The following PARD3B variants were observed in gnomAD, a reference collection of about 807,000 sequenced individuals.
PARD3B encodes the protein partitioning defective 3 homolog B.
PARD3B carries 103 observed loss-of-function variants against 130.2 expected under a neutral mutation model. That is an observed-to-expected ratio of 0.79 (90% CI 0.67 to 0.93). The LOEUF (loss-of-function observed/expected upper bound fraction) is 0.93, where lower values mean the gene tolerates loss of function less well. Ranked by LOEUF, PARD3B falls within the 40% of genes least tolerant of loss-of-function variation. The pLI is 0.00. For synonymous variants in PARD3B, 583 were observed against 553.2 expected, an observed-to-expected ratio of 1.05 and a Z score of -0.76; for missense variants, 1,609 against 1,499.2, an observed-to-expected ratio of 1.07 and a Z score of -1.21.
chr2:204,900,868 G>A (rs2046828102), intron 2 of PARD3B, among the ~76,000 whole-genome samples: 1 of 152,154 alleles, frequency 6.6e-6, no homozygotes, highest in South Asian at 2.1e-4. Context: ...GACTTTTGCA[G>A]ACTTTTACAG....
chr2:205,170,401 G>A (rs1229834929), intron 11 of PARD3B, among the ~76,000 whole-genome samples: 1 of 152,190 alleles, frequency 6.6e-6, no homozygotes, highest in Non-Finnish European at 1.5e-5. Flanking sequence ...GGAAGGCAGG[G>A]GACATTAAGC....
chr2:204,685,320 G>A (rs1574700923), intron 1 of PARD3B, among the ~76,000 whole-genome samples: 1 of 152,060 alleles, frequency 6.6e-6, no homozygotes, highest in Non-Finnish European at 1.5e-5. Context: ...ATTATAGCTT[G>A]GGGATTATGG....
intron 2 of PARD3B, among the ~76,000 whole-genome samples, chr2:204,833,460 G>T (rs1351685486): frequency 6.6e-6 from 1 of 151,820 alleles, no homozygotes; most frequent in African/African-American, 2.4e-5. Context: ...CCTTCTGATT[G>T]AAACCCTTCG....
At chr2:205,210,899 T>A (rs929533824) in intron 15 of PARD3B, among the ~76,000 whole-genome samples, 10 of 152,138 alleles carry the variant, frequency 6.6e-5, no homozygotes, top group African/African-American at 2.4e-4. Context: ...TTTTTGGAAT[T>A]AAAATGTTAC....
chr2:205,249,324 C>T (rs1391515989), intron 16 of PARD3B, among the ~76,000 whole-genome samples: 2 of 151,864 alleles, frequency 1.3e-5, no homozygotes, highest in African/African-American at 4.8e-5. Flanking sequence ...ATCTATCATC[C>T]AGCCTCTTAT....
intron 10 of PARD3B, among the ~76,000 whole-genome samples, chr2:205,130,436 T>G (rs2031894334): frequency 6.6e-6 from 1 of 152,212 alleles, no homozygotes; most frequent in Non-Finnish European, 1.5e-5. Context: ...AGAAAGCTCC[T>G]GAAAAACTGA....
chr2:204,804,173 G>C (rs966791651), intron 2 of PARD3B, among the ~76,000 whole-genome samples: 11 of 152,094 alleles, frequency 7.2e-5, no homozygotes, highest in African/African-American at 2.7e-4. Context: ...AGGTTGCAGT[G>C]AGCCAAAATC....
At chr2:205,438,837 C>G (rs771643188) in intron 19 of PARD3B, among the ~76,000 whole-genome samples, 6 of 152,132 alleles carry the variant, frequency 3.9e-5, no homozygotes, top group Non-Finnish European at 5.9e-5. Context: ...TTGGCCTAAT[C>G]AAAAGAGATA....
chr2:205,054,434 A>AT (rs1482779392), intron 4 of PARD3B, among the ~76,000 whole-genome samples: 84 of 29,478 alleles, frequency 2.8e-3, no homozygotes, highest in Admixed American at 9.4e-3. Flanking sequence ...ATATATATAT[A>AT]TATTTTTTTT....
intron 12 of PARD3B, among the ~76,000 whole-genome samples, chr2:205,175,712 CT>C (rs2035427604): frequency 6.6e-6 from 1 of 152,264 alleles, no homozygotes; most frequent in Admixed American, 6.5e-5. Context: ...CCCTAATTCT[CT>C]TTGCTCCAAC....
chr2:204,818,665 G>A (rs1270184074), intron 2 of PARD3B, among the ~76,000 whole-genome samples: 1 of 152,154 alleles, frequency 6.6e-6, no homozygotes, highest in African/African-American at 2.4e-5. Flanking sequence ...GTTAATAGGT[G>A]TGCCATCCAA....
intron 1 of PARD3B, among the ~76,000 whole-genome samples, chr2:204,667,085 G>A (rs534856911): frequency 6.6e-6 from 1 of 152,308 alleles, no homozygotes; most frequent in South Asian, 2.1e-4. Context: ...GAAATGCTGA[G>A]TAGGCCATGG....
At chr2:204,969,669 AGTTGCAT>A (rs974571907) in intron 3 of PARD3B, among the ~76,000 whole-genome samples, 5 of 152,246 alleles carry the variant, frequency 3.3e-5, no homozygotes, top group African/African-American at 9.6e-5. Context: ...GTGCTTGTTC[AGTTGCAT>A]GACTTTTTAA....
chr2:204,930,871 A>G (rs1687978423), intron 2 of PARD3B, among the ~76,000 whole-genome samples: 1 of 152,032 alleles, frequency 6.6e-6, no homozygotes, highest in African/African-American at 2.4e-5. Context: ...TGGTTTCCCT[A>G]TTACTGCAGA....
At chr2:205,165,722 AAAATAAATAAAT>A (rs71032449) in intron 11 of PARD3B, among the ~76,000 whole-genome samples, 266 of 146,176 alleles carry the variant, frequency 1.8e-3, no homozygotes, top group East Asian at 6.1e-3. Context: ...CTCTGTCTCA[AAAATAAATAAAT>A]AAATAAATAA....
intron 15 of PARD3B, among the ~76,000 whole-genome samples, chr2:205,228,239 T>C (rs2125887846): frequency 6.6e-6 from 1 of 152,334 alleles, no homozygotes; most frequent in Non-Finnish European, 1.5e-5. Flanking sequence ...ATCAATGTCC[T>C]TTTCTTTCAG....
chr2:204,859,727 A>G (rs2045106923), intron 2 of PARD3B, among the ~76,000 whole-genome samples: 1 of 152,152 alleles, frequency 6.6e-6, no homozygotes, highest in Non-Finnish European at 1.5e-5. Context: ...CTGGGCAGTG[A>G]TGGAGACGTA....
At chr2:204,989,703 G>C (rs1693481538) in intron 3 of PARD3B, among the ~76,000 whole-genome samples, 1 of 152,000 alleles carries the variant, frequency 6.6e-6, no homozygotes, top group Non-Finnish European at 1.5e-5. Context: ...TTTATAAATG[G>C]AAGTATACTG....
At chr2:204,834,746 A>G (rs574582831) in intron 2 of PARD3B, among the ~76,000 whole-genome samples, 1 of 152,266 alleles carries the variant, frequency 6.6e-6, no homozygotes, top group Admixed American at 6.5e-5. Flanking sequence ...AATTTCTTCT[A>G]CCCCTATCCT....
Sources: allele counts gnomAD v4.1 joint callset (sites outside exome capture counted in the v4.1 genomes callset), GRCh38; gene constraint gnomAD v4.1.1; transcripts MANE v1.5; gene names NCBI Gene and HGNC (gene_info 2026-07-23, HGNC 2026-07-21).